Variants in CDH9 observed in about 807,000 individuals in gnomAD.
CDH9 encodes cadherin-9.
A neutral mutation model predicts 70.9 loss-of-function variants in CDH9; 28 were observed. That is an observed-to-expected ratio of 0.40 (90% CI 0.29 to 0.54). The LOEUF is 0.54. Among genes scored for constraint, CDH9 ranks in the 20% least tolerant of loss-of-function variants. The probability of loss-of-function intolerance (pLI) is 0.59; values close to 1 mark genes in which losing one functional copy is unlikely to be tolerated. For missense variants in CDH9, 874 were observed against 984.4 expected (o/e 0.89, Z 1.50); for synonymous variants, 409 against 343.1 (o/e 1.19, Z -2.12).
At chr5:26,900,314 A>G (rs953479300) in intron 7 of CDH9, among the ~76,000 whole-genome samples, 1 of 152,102 alleles carries the variant, frequency 6.6e-6, no homozygotes, top group Non-Finnish European at 1.5e-5. Flanking sequence ...TAAAGAGCAT[A>G]TTATATATCC....
chr5:26,912,213 T>G (rs1741066319), intron 3 of CDH9, among the ~76,000 whole-genome samples: 1 of 152,110 alleles, frequency 6.6e-6, no homozygotes, highest in African/African-American at 2.4e-5. Flanking sequence ...GATGTATTCT[T>G]AATTCTTTGA....
At chr5:26,935,984 G>T (rs1381930007) in intron 2 of CDH9, among the ~76,000 whole-genome samples, 1 of 152,108 alleles carries the variant, frequency 6.6e-6, no homozygotes, top group African/African-American at 2.4e-5. Flanking sequence ...ATTATGGAAA[G>T]GCCAAATAAT....
At chr5:26,923,069 T>TAAAAAAAAAAAAAAAAAAAAAAAAAAAAA in intron 2 of CDH9, among the ~76,000 whole-genome samples, 1 of 95,060 alleles carries the variant, frequency 1.1e-5, no homozygotes, top group Non-Finnish European at 2.2e-5. Flanking sequence ...TTACATGAAT[T>TAAAAAAAAAAAAAAAAAAAAAAAAAAAAA]AAAAAAAAAA....
intron 2 of CDH9, among the ~76,000 whole-genome samples, chr5:26,942,505 A>G (rs767154902): frequency 8.5e-5 from 13 of 152,132 alleles, no homozygotes; most frequent in Non-Finnish European, 1.0e-4. Context: ...ATCAGTTCTG[A>G]AGAGGACATT....
intron 1 of CDH9, among the ~76,000 whole-genome samples, chr5:26,989,830 T>G (rs954973166): frequency 2.0e-5 from 3 of 152,132 alleles, no homozygotes; most frequent in Non-Finnish European, 4.4e-5. Flanking sequence ...CTGTGATATT[T>G]TCAAATACGG....
chr5:27,035,701 T>TGG (rs137895147), intron 1 of CDH9, among the ~76,000 whole-genome samples: 1 of 121,504 alleles, frequency 8.2e-6, no homozygotes, highest in African/African-American at 2.9e-5. Context: ...TGTGTGTGTG[T>TGG]GTGTGTGTGG....
intron 1 of CDH9, among the ~76,000 whole-genome samples, chr5:26,990,517 G>T (rs1742562901): frequency 6.6e-6 from 1 of 152,150 alleles, no homozygotes; most frequent in African/African-American, 2.4e-5. Context: ...TTGTAATCCT[G>T]TAAACTGTGG....
At chr5:26,939,411 T>C (rs1237470617) in intron 2 of CDH9, among the ~76,000 whole-genome samples, 1 of 151,646 alleles carries the variant, frequency 6.6e-6, no homozygotes, top group African/African-American at 2.4e-5. Context: ...AAAATATTTA[T>C]TTTAACTGGT....
chr5:26,915,023 GT>G, intron 3 of CDH9, among the ~76,000 whole-genome samples: 1 of 151,988 alleles, frequency 6.6e-6, no homozygotes, highest in East Asian at 1.9e-4. Context: ...ATTATTTTCA[GT>G]TTGCATAAGG....
intron 2 of CDH9, among the ~76,000 whole-genome samples, chr5:26,932,475 A>G (rs765492558): frequency 2.0e-5 from 3 of 152,106 alleles, no homozygotes; most frequent in Non-Finnish European, 4.4e-5. Context: ...ATCCATTTTG[A>G]TGGTGTTCTG....
At position 26,889,893 on chromosome 5, in the gene CDH9, A is replaced by G. The variant is rs200114007; in HGVS notation, c.1455T>C (p.Ala485=). 10 of 1,604,172 alleles carry G rather than the reference A, an allele frequency of 6.2e-6. No homozygotes were observed. The East Asian group carries it at 1.6e-4, about 25-fold the overall frequency. ...FIRILDINDH[A]PEFAMYYETF... is the part of the protein sequence containing the mutation. ...TTTCATAATACATGGCAAATTCCGG[A>G]GCATGGTCATTTATATCTAGAATTC... Residue 485 remains alanine, a synonymous_variant, in exon 9 of 12, where the codon GCT becomes GCC. Coordinates refer to ENST00000231021, the MANE Select transcript of CDH9 (RefSeq NM_016279.4).
At chr5:26,923,561 T>C (rs561490556) in intron 2 of CDH9, among the ~76,000 whole-genome samples, 4 of 152,186 alleles carry the variant, frequency 2.6e-5, no homozygotes, top group African/African-American at 4.8e-5. Context: ...TAATCTGTAC[T>C]GTAAACCAAA....
intron 1 of CDH9, among the ~76,000 whole-genome samples, chr5:27,014,815 C>T (rs1209822733): frequency 4.0e-5 from 6 of 151,650 alleles, no homozygotes; most frequent in Non-Finnish European, 8.8e-5. Flanking sequence ...CCTGATCTGC[C>T]CACTCTGAAC....
intron 1 of CDH9, among the ~76,000 whole-genome samples, chr5:27,026,334 T>C (rs1310812094): frequency 6.6e-6 from 1 of 151,858 alleles, no homozygotes; most frequent in Non-Finnish European, 1.5e-5. Context: ...CATGAGTAAA[T>C]TTCGTTAACA....
chr5:26,910,512 TA>T (rs766892653), intron 3 of CDH9, among the ~76,000 whole-genome samples: 20 of 152,200 alleles, frequency 1.3e-4, no homozygotes, highest in Non-Finnish European at 2.1e-4. Flanking sequence ...ACATTCTCTT[TA>T]TCTGTATCTA....
intron 7 of CDH9, among the ~76,000 whole-genome samples, chr5:26,891,483 G>C (rs1740658806): frequency 6.6e-6 from 1 of 152,050 alleles, no homozygotes; most frequent in Non-Finnish European, 1.5e-5. Flanking sequence ...TTCGAGACCA[G>C]CCTGACCAAC....
intron 2 of CDH9, among the ~76,000 whole-genome samples, chr5:26,964,821 T>C (rs1742101933): frequency 6.7e-6 from 1 of 149,080 alleles, no homozygotes; most frequent in Non-Finnish European, 1.5e-5. Context: ...TGTGTGAGTT[T>C]CCCCTCCCTG....
At chr5:27,009,069 A>G (rs1182325766) in intron 1 of CDH9, among the ~76,000 whole-genome samples, 6 of 152,140 alleles carry the variant, frequency 3.9e-5, no homozygotes, top group Non-Finnish European at 7.4e-5. Flanking sequence ...ATGGTGACTC[A>G]CCCCAAGGTT....
chr5:26,990,192 A>G (rs1742557821), intron 1 of CDH9, among the ~76,000 whole-genome samples: 1 of 152,180 alleles, frequency 6.6e-6, no homozygotes, highest in African/African-American at 2.4e-5. Context: ...ATCGTTGCTC[A>G]TATTATAGGC....
Sources: gnomAD v4.1 joint callset for allele counts (sites outside exome capture counted in the v4.1 genomes callset) on GRCh38, gnomAD v4.1.1 for gene constraint, MANE v1.5 for transcripts, NCBI Gene and HGNC (gene_info 2026-07-23, HGNC 2026-07-21) for gene names.